The following ZBTB7C variants were observed in gnomAD, a reference collection of about 807,000 sequenced individuals.
ZBTB7C encodes the protein zinc finger and BTB domain-containing protein 7C.
In ZBTB7C, 8 loss-of-function variants were observed where a neutral mutation model predicts 25.7. The observed-to-expected ratio is 0.31, with a 90% CI of 0.18 to 0.56. The LOEUF is 0.56. ZBTB7C is among the 20% of genes least tolerant of loss of function. ZBTB7C has a pLI of 0.91. For synonymous variants in ZBTB7C, 394 were observed against 369.0 expected, an observed-to-expected ratio of 1.07 and a Z score of -0.78; for missense variants, 824 against 855.2, an observed-to-expected ratio of 0.96 and a Z score of 0.46.
chr18:48,093,264 T>C (rs969519919), intron 3 of ZBTB7C, among the ~76,000 whole-genome samples: 7 of 152,172 alleles, frequency 4.6e-5, no homozygotes, highest in Admixed American at 4.6e-4. Flanking sequence ...GTTTCTCCCT[T>C]CTTCCTGACC....
intron 3 of ZBTB7C, among the ~76,000 whole-genome samples, chr18:48,099,998 C>G (rs1316165676): frequency 6.6e-6 from 1 of 152,224 alleles, no homozygotes; most frequent in East Asian, 1.9e-4. Context: ...TCCAGAGCCA[C>G]TCCTGGAGTG....
At chr18:48,360,160 G>A (rs2047069916) in intron 1 of ZBTB7C, among the ~76,000 whole-genome samples, 1 of 152,234 alleles carries the variant, frequency 6.6e-6, no homozygotes, top group South Asian at 2.1e-4. Flanking sequence ...GCATTTGCAA[G>A]CACTGGAATA....
At chr18:48,374,373 G>A (rs543486358) in intron 1 of ZBTB7C, 2 of 152,354 alleles carry the variant, frequency 1.3e-5, no homozygotes, top group East Asian at 3.9e-4. Flanking sequence ...GGCTTGAGGT[G>A]AGGAACAAAA....
At chr18:48,106,910 A>G (rs1257169626) in intron 3 of ZBTB7C, among the ~76,000 whole-genome samples, 1 of 152,036 alleles carries the variant, frequency 6.6e-6, no homozygotes, top group East Asian at 1.9e-4. Context: ...GAGAGGGGGA[A>G]AGGAGGTTCT....
chr18:48,187,408 CATGG>C (rs2042082433), intron 2 of ZBTB7C, among the ~76,000 whole-genome samples: 1 of 152,170 alleles, frequency 6.6e-6, no homozygotes, highest in African/African-American at 2.4e-5. Context: ...CAGGCTACAG[CATGG>C]ATGAACCTCC....
intron 3 of ZBTB7C, among the ~76,000 whole-genome samples, chr18:48,116,420 A>G (rs1305233286): frequency 6.6e-6 from 1 of 152,224 alleles, no homozygotes; most frequent in African/African-American, 2.4e-5. Context: ...AGGACCTACC[A>G]GCGATGGCAT....
chr18:48,197,608 G>A (rs2042346937), intron 2 of ZBTB7C, among the ~76,000 whole-genome samples: 1 of 152,236 alleles, frequency 6.6e-6, no homozygotes, highest in Non-Finnish European at 1.5e-5. Context: ...GGTTGGGAGA[G>A]TTCAAGGTCA....
intron 2 of ZBTB7C, among the ~76,000 whole-genome samples, chr18:48,199,502 T>A (rs1027206221): frequency 6.6e-6 from 1 of 152,242 alleles, no homozygotes; most frequent in African/African-American, 2.4e-5. Context: ...TCTCACTTTA[T>A]GGATGCATTA....
intron 1 of ZBTB7C, among the ~76,000 whole-genome samples, chr18:48,341,830 G>A (rs1467926831): frequency 2.0e-5 from 3 of 152,224 alleles, no homozygotes; most frequent in African/African-American, 7.2e-5. Context: ...GACATCCAGG[G>A]CCACATTTTA....
intron 1 of ZBTB7C, among the ~76,000 whole-genome samples, chr18:48,338,790 G>A (rs577518460): frequency 2.6e-5 from 4 of 152,242 alleles, no homozygotes; most frequent in Non-Finnish European, 4.4e-5. Context: ...AAAGAGAAAG[G>A]AGATGCATGT....
At chr18:48,044,375 T>C (rs928201541) in intron 3 of ZBTB7C, among the ~76,000 whole-genome samples, 1 of 152,218 alleles carries the variant, frequency 6.6e-6, no homozygotes, top group Admixed American at 6.5e-5. Context: ...TCCTAGTGAC[T>C]TCCTCCTTTC....
intron 3 of ZBTB7C, among the ~76,000 whole-genome samples, chr18:48,134,360 C>T (rs2040081582): frequency 6.6e-6 from 1 of 152,186 alleles, no homozygotes; most frequent in Non-Finnish European, 1.5e-5. Context: ...CTCAAACATC[C>T]ATCCAACACC....
intron 2 of ZBTB7C, among the ~76,000 whole-genome samples, chr18:48,195,937 C>T (rs1312467697): frequency 6.6e-6 from 1 of 152,072 alleles, no homozygotes; most frequent in Non-Finnish European, 1.5e-5. Flanking sequence ...ATTACAATAG[C>T]AAGTTCCACT....
chr18:48,108,885 A>T (rs2039131214), intron 3 of ZBTB7C, among the ~76,000 whole-genome samples: 1 of 151,964 alleles, frequency 6.6e-6, no homozygotes, highest in African/African-American at 2.4e-5. Context: ...TTGCTCCTTT[A>T]TATGGAATCT....
In ZBTB7C at chr18:48,040,859, C is replaced by T. The variant is rs544554381; in HGVS notation, c.249G>A (p.Glu83=). Residue 83 remains glutamate (E), a synonymous_variant, in exon 4 of 5, where the codon GAG becomes GAA. Coordinates refer to ENST00000590800, the MANE Select transcript of ZBTB7C (RefSeq NM_001318841.2). The stretch of plus-strand genomic sequence containing the variant: ...CGAACTCCAGGATAGCAGCCAGAGC[C>T]TCAGGCTGGACAAAGTCGATCTCAT... ...YVYEIDFVQP[E]ALAAILEFAY... 34 of 1,614,052 alleles carry T rather than the reference C, an allele frequency of 2.1e-5. No individual in the cohort carries two copies. Among genetic ancestry groups the T allele is most frequent in the Non-Finnish European group, 2.5e-5 (30 of 1,180,052 alleles).
intron 3 of ZBTB7C, among the ~76,000 whole-genome samples, chr18:48,135,095 T>C (rs935036140): frequency 9.2e-5 from 14 of 152,180 alleles, no homozygotes; most frequent in African/African-American, 3.4e-4. Flanking sequence ...CCAGGCTCCA[T>C]CTCACTTCAT....
intron 3 of ZBTB7C, among the ~76,000 whole-genome samples, chr18:48,103,112 T>TCTATC (rs371534337): frequency 1.5e-4 from 19 of 130,964 alleles, no homozygotes; most frequent in African/African-American, 2.9e-4. Flanking sequence ...ATATTTTATA[T>TCTATC]TATCTATCTA....
At position 48,166,682 on chromosome 18, in the gene ZBTB7C, C is replaced by T. The variant is rs186922358; in HGVS notation, c.-17+19252G>A. Reference sequence around the variant, plus strand: ...GAAAAAGGAGTTTCCAGCAGGGAGACGGGCCAAGGAGTGACCCCCAAAGCG... The same window carrying T: ...GAAAAAGGAGTTTCCAGCAGGGAGATGGGCCAAGGAGTGACCCCCAAAGCG... On this transcript the variant is annotated intron_variant, in intron 3 of 4. Transcript: ENST00000590800. Among the ~76,000 whole-genome samples the T allele has an allele frequency of 8.8e-4, 134 of 152,270 alleles. 1 individual carries two copies. Among genetic ancestry groups the T allele is most frequent in the Admixed American group, 7.6e-3 (116 of 15,300 alleles).
rs569256176 is a variant in ZBTB7C, at chr18:48,374,838, C to T, written c.-304+34388G>A. 3.3e-5 allele frequency among the ~76,000 whole-genome samples: 5 copies of T among 152,344 alleles called. No homozygotes were observed. In the East Asian group the frequency reaches 5.8e-4, roughly 18 times the overall value. On this transcript the variant is annotated intron_variant, in intron 1 of 4. Coordinates refer to ENST00000590800, the MANE Select transcript of ZBTB7C (RefSeq NM_001318841.2). ...TTCCCTGTACCCACCTCTCCCACCA[C>T]CCATCACATAGCAGACACAAGAGCT...
Sources: gnomAD v4.1 joint callset for allele counts (sites outside exome capture counted in the v4.1 genomes callset) on GRCh38, gnomAD v4.1.1 for gene constraint, MANE v1.5 for transcripts, NCBI Gene and HGNC (gene_info 2026-07-23, HGNC 2026-07-21) for gene names.